MYT1L: variants seen among roughly 807,000 people sequenced by gnomAD.
MYT1L encodes myelin transcription factor 1 like.
In MYT1L, 12 loss-of-function variants were observed where a neutral mutation model predicts 126.7. That is an observed-to-expected ratio of 0.09 (90% CI 0.06 to 0.15). The LOEUF is 0.15. Among genes scored for constraint, MYT1L ranks in the 10% least tolerant of loss-of-function variants. The probability of loss-of-function intolerance (pLI) is 1.00; values close to 1 mark genes in which losing one functional copy is unlikely to be tolerated. For missense variants in MYT1L, 979 were observed against 1,585.2 expected (o/e 0.62, Z 6.49); for synonymous variants, 541 against 604.2 (o/e 0.90, Z 1.53).
At chr2:2,180,373 AAAAC>A (rs1487601515) in intron 2 of MYT1L, among the ~76,000 whole-genome samples, 1 of 152,090 alleles carries the variant, frequency 6.6e-6, no homozygotes, top group Non-Finnish European at 1.5e-5. Context: ...AAAAAAAAAA[AAAAC>A]AACAACCTGT....
intron 1 of MYT1L, among the ~76,000 whole-genome samples, chr2:2,287,221 C>G (rs2095534414): frequency 6.6e-6 from 1 of 152,054 alleles, no homozygotes. Flanking sequence ...TGCCTTTGCA[C>G]TCCAACCTGG....
chr2:1,901,211 G>A lies in MYT1L; in HGVS notation c.2032+1869C>T, dbSNP rs535016213. Among the ~76,000 whole-genome samples the A allele has an allele frequency of 5.3e-5, 8 of 152,262 alleles. No homozygotes were observed. In the South Asian group the frequency reaches 8.3e-4, roughly 16 times the overall value. ...GAAGCCCCCTTTCCTTCTCAGGCTG[G>A]AGTCTGACCTTAACAATGAAGCTGA... On this transcript the variant is annotated intron_variant, in intron 14 of 24. Coordinates refer to ENST00000647738, the MANE Select transcript of MYT1L (RefSeq NM_001303052.2).
At chr2:2,293,186 G>A (rs1404789438) in intron 1 of MYT1L, among the ~76,000 whole-genome samples, 2 of 152,180 alleles carry the variant, frequency 1.3e-5, no homozygotes, top group Non-Finnish European at 2.9e-5. Flanking sequence ...GCCTCATGGG[G>A]CCTTTACTAC....
chr2:2,185,819 G>C (rs1315691387), intron 2 of MYT1L, among the ~76,000 whole-genome samples: 1 of 129,426 alleles, frequency 7.7e-6, no homozygotes, highest in Non-Finnish European at 1.6e-5. Flanking sequence ...GCCTTCCCGA[G>C]TCCCGCGTTC....
In MYT1L at chr2:1,800,631, C is replaced by T. The variant is rs537501458; in HGVS notation, c.3276+1065G>A. ...GTAGAAACCACCTGTTGAGCAGAGCCGTTGACCACACCCGGCTGACTATGG... is the reference window on the plus strand; with the variant it reads ...GTAGAAACCACCTGTTGAGCAGAGCTGTTGACCACACCCGGCTGACTATGG... On this transcript the variant is annotated intron_variant, in intron 23 of 24. Transcript: ENST00000647738. 2.2e-3 allele frequency among the ~76,000 whole-genome samples: 337 copies of T among 152,304 alleles called. 1 individual carries two copies. The highest frequency in any genetic ancestry group is 3.9e-3 in the Admixed American group (60 of 15,302).
At chr2:2,246,010 C>T (rs2149179890) in intron 2 of MYT1L, among the ~76,000 whole-genome samples, 1 of 152,304 alleles carries the variant, frequency 6.6e-6, no homozygotes, top group Admixed American at 6.5e-5. Flanking sequence ...CCATTTTAAA[C>T]TTCTGCCTAG....
At chr2:2,322,003 T>G (rs563206895) in intron 1 of MYT1L, among the ~76,000 whole-genome samples, 1 of 152,202 alleles carries the variant, frequency 6.6e-6, no homozygotes, top group South Asian at 2.1e-4. Context: ...CTTACACACA[T>G]TTTCACACTG....
chr2:2,086,888 G>T (rs2076408018), intron 3 of MYT1L, among the ~76,000 whole-genome samples: 1 of 152,152 alleles, frequency 6.6e-6, no homozygotes, highest in Non-Finnish European at 1.5e-5. Context: ...CAGCTCCGGG[G>T]ATGCCTGCCC....
intron 2 of MYT1L, among the ~76,000 whole-genome samples, chr2:2,193,128 C>T (rs1222614302): frequency 6.6e-6 from 1 of 152,068 alleles, no homozygotes; most frequent in Non-Finnish European, 1.5e-5. Context: ...TAGGTGCCCA[C>T]CACCACGCCT....
intron 5 of MYT1L, among the ~76,000 whole-genome samples, chr2:1,995,376 C>G (rs1257855602): frequency 5.9e-5 from 9 of 152,072 alleles, no homozygotes; most frequent in Non-Finnish European, 1.5e-5. Flanking sequence ...TGGGAGTGCC[C>G]TTCACCATGA....
chr2:2,255,822 C>T (rs2094794605), intron 2 of MYT1L, among the ~76,000 whole-genome samples: 1 of 152,138 alleles, frequency 6.6e-6, no homozygotes, highest in Admixed American at 6.5e-5. Flanking sequence ...TCTGCCCCAT[C>T]ACGGATATTG....
intron 8 of MYT1L, among the ~76,000 whole-genome samples, chr2:1,955,801 C>T (rs1225314358): frequency 6.6e-6 from 1 of 152,172 alleles, no homozygotes; most frequent in Non-Finnish European, 1.5e-5. Context: ...TTGATAATAT[C>T]TTGGCTGGAC....
intron 21 of MYT1L, among the ~76,000 whole-genome samples, chr2:1,814,027 CAAA>C (rs144973855): frequency 2.4e-5 from 3 of 124,544 alleles, no homozygotes; most frequent in Admixed American, 8.2e-5. Flanking sequence ...ACTCCGTCCC[CAAA>C]AAAAAAAAAA....
chr2:2,007,626 G>C (rs1181287503), intron 4 of MYT1L, among the ~76,000 whole-genome samples: 1 of 152,128 alleles, frequency 6.6e-6, no homozygotes, highest in Non-Finnish European at 1.5e-5. Context: ...TCAGATTTCA[G>C]CTTATTTTTT....
intron 3 of MYT1L, among the ~76,000 whole-genome samples, chr2:2,082,350 A>G (rs1251810038): frequency 1.3e-5 from 2 of 152,196 alleles, no homozygotes; most frequent in Non-Finnish European, 2.9e-5. Flanking sequence ...TAGTACCATA[A>G]AAGTTAAGTC....
intron 8 of MYT1L, among the ~76,000 whole-genome samples, chr2:1,965,698 C>T (rs538342239): frequency 9.8e-5 from 15 of 152,346 alleles, no homozygotes; most frequent in African/African-American, 3.1e-4. Flanking sequence ...GATGAAGGCC[C>T]CGCCATCATC....
intron 2 of MYT1L, among the ~76,000 whole-genome samples, chr2:2,236,912 C>A (rs1161247466): frequency 2.0e-5 from 3 of 151,148 alleles, no homozygotes; most frequent in African/African-American, 7.3e-5. Flanking sequence ...CTTCCAGGTT[C>A]AAGTAATTCT....
chr2:2,265,980 A>G (rs977138660), intron 2 of MYT1L, among the ~76,000 whole-genome samples: 1 of 152,128 alleles, frequency 6.6e-6, no homozygotes, highest in Admixed American at 6.5e-5. Flanking sequence ...TTAGCCTCCC[A>G]TAGAGGTTAG....
intron 1 of MYT1L, among the ~76,000 whole-genome samples, chr2:2,296,969 C>A (rs1262835737): frequency 6.6e-6 from 1 of 152,180 alleles, no homozygotes; most frequent in Non-Finnish European, 1.5e-5. Context: ...TGGGCCAACA[C>A]CCCCTTCCCA....
Sources: allele counts gnomAD v4.1 joint callset (sites outside exome capture counted in the v4.1 genomes callset), GRCh38; gene constraint gnomAD v4.1.1; transcripts MANE v1.5; gene names NCBI Gene and HGNC (gene_info 2026-07-23, HGNC 2026-07-21).